The following NRP1 variants were observed in gnomAD, a reference collection of about 807,000 sequenced individuals.
NRP1 encodes the protein neuropilin 1, also known as neuropilin-1.
In NRP1, 35 loss-of-function variants were observed where a neutral mutation model predicts 106.7. The observed-to-expected ratio is 0.33, with a 90% CI of 0.25 to 0.43. The LOEUF is 0.43. NRP1 is among the 20% of genes least tolerant of loss of function. The pLI is 1.00. For synonymous variants in NRP1, 437 were observed against 417.9 expected (o/e 1.05, Z -0.56); for missense variants, 1,024 against 1,170.4 (o/e 0.87, Z 1.83).
intron 2 of NRP1, among the ~76,000 whole-genome samples, chr10:33,277,747 A>T (rs1444642456): frequency 1.3e-5 from 2 of 152,190 alleles, no homozygotes; most frequent in Non-Finnish European, 2.9e-5. Flanking sequence ...ATAATAAAGA[A>T]TATTGCTTTA....
chr10:33,264,430 T>C (rs978533221), intron 3 of NRP1, among the ~76,000 whole-genome samples: 23 of 152,012 alleles, frequency 1.5e-4, no homozygotes, highest in Non-Finnish European at 2.4e-4. Context: ...TCATTCTGAG[T>C]GGTGTTGACA....
intron 2 of NRP1, among the ~76,000 whole-genome samples, chr10:33,307,002 T>C (rs890372385): frequency 8.5e-5 from 13 of 152,234 alleles, no homozygotes; most frequent in Admixed American, 5.9e-4. Context: ...AGCCTAACTT[T>C]ATGGACTTTT....
At chr10:33,311,271 G>C (rs748699497) in intron 2 of NRP1, among the ~76,000 whole-genome samples, 5 of 152,166 alleles carry the variant, frequency 3.3e-5, no homozygotes, top group African/African-American at 1.2e-4. Context: ...CAGCAACCAG[G>C]AACAAACCTG....
chr10:33,214,223 G>C (rs1415398623), intron 8 of NRP1, among the ~76,000 whole-genome samples: 1 of 152,130 alleles, frequency 6.6e-6, no homozygotes, highest in African/African-American at 2.4e-5. Flanking sequence ...TTTGAATTGA[G>C]TGTGGGAGAA....
intron 9 of NRP1, among the ~76,000 whole-genome samples, chr10:33,208,402 C>A (rs1390518908): frequency 1.3e-5 from 2 of 152,178 alleles, no homozygotes; most frequent in Admixed American, 6.5e-5. Flanking sequence ...GTCCCTGTGA[C>A]AGTTTTCAGG....
At chr10:33,182,588 A>T in intron 16 of NRP1, 110 bp downstream of exon 16, 2 of 761,478 alleles carry the variant, frequency 2.6e-6, no homozygotes, top group Admixed American at 2.4e-5. Context: ...GATGTTTTTT[A>T]TTTGAACTTT....
In NRP1 at chr10:33,270,869, C is replaced by A; in HGVS notation, c.249-13G>T. ...CACGTAGTCATACCTAATACACAAACATGGAAGAAAACATTAGGTTGGTGA... is the reference window on the plus strand; with the variant it reads ...CACGTAGTCATACCTAATACACAAAAATGGAAGAAAACATTAGGTTGGTGA... On this transcript the variant is annotated splice_polypyrimidine_tract_variant and intron_variant, in intron 2 of 16. Transcript: ENST00000374867. 6.4e-7 allele frequency: 1 copy of A among 1,574,596 alleles called. No homozygotes were observed. Among genetic ancestry groups the A allele is most frequent in the Non-Finnish European group, 8.6e-7 (1 of 1,160,412 alleles).
chr10:33,249,095 T>TG (rs1186649402), intron 6 of NRP1, among the ~76,000 whole-genome samples: 1 of 147,284 alleles, frequency 6.8e-6, no homozygotes, highest in Non-Finnish European at 1.5e-5. Flanking sequence ...TTTTTTTTTT[T>TG]TTTTTTTTTT....
chr10:33,185,640 C>G lies in NRP1; in HGVS notation c.2419G>C (p.Glu807Gln). The change falls in exon 15 of 17, where the codon GAA (glutamate) becomes CAA (glutamine). Residue 807 changes from glutamate (E) to glutamine (Q), a missense_variant. Coordinates refer to ENST00000374867, the MANE Select transcript of NRP1 (RefSeq NM_003873.7). The part of the protein sequence containing the change: ...DISINNHISQ[E>Q]DCAKPADLDK... ...AGCTCATACTTACTTGCACAATCTT[C>G]TTGTGAAATGTGGTTATTAATACTA... is the stretch of plus-strand genomic sequence containing the variant. 6.2e-7 allele frequency: 1 copy of G among 1,613,298 alleles called. No individual in the cohort carries two copies. The highest frequency in any genetic ancestry group is 1.7e-4 in the Middle Eastern group (1 of 6,060).
chr10:33,316,674 C>A (rs1847061644), intron 2 of NRP1, among the ~76,000 whole-genome samples: 1 of 152,098 alleles, frequency 6.6e-6, no homozygotes. Flanking sequence ...GGGAGAAAAC[C>A]AAGATGGCAC....
At chr10:33,237,797 C>A (rs1840700185) in intron 6 of NRP1, among the ~76,000 whole-genome samples, 1 of 151,998 alleles carries the variant, frequency 6.6e-6, no homozygotes, top group Non-Finnish European at 1.5e-5. Flanking sequence ...CTCAAGTGAT[C>A]TGCCCACCTT....
chr10:33,301,751 AG>A (rs1845816948), intron 2 of NRP1, among the ~76,000 whole-genome samples: 1 of 152,148 alleles, frequency 6.6e-6, no homozygotes, highest in Non-Finnish European at 1.5e-5. Context: ...AAGAAAAAAA[AG>A]TTTTTGGAGA....
chr10:33,300,039 T>C (rs1310111960), intron 2 of NRP1, among the ~76,000 whole-genome samples: 1 of 152,220 alleles, frequency 6.6e-6, no homozygotes, highest in African/African-American at 2.4e-5. Context: ...CAAATCAAGA[T>C]GAACACTTTG....
intron 11 of NRP1, 139 bp downstream of exon 11, chr10:33,202,752 C>T (rs745859836): frequency 5.7e-6 from 9 of 1,567,080 alleles, no homozygotes; most frequent in Middle Eastern, 1.7e-4. Flanking sequence ...TGAAGATGCA[C>T]GTGTTCTGGC....
At chr10:33,288,474 C>A (rs1052072820) in intron 2 of NRP1, 1 of 152,130 alleles carries the variant, frequency 6.6e-6, no homozygotes, top group Non-Finnish European at 1.5e-5. Flanking sequence ...TCACCATTAT[C>A]GATGCTGAAC....
chr10:33,321,965 A>G (rs1209328495), intron 2 of NRP1, among the ~76,000 whole-genome samples: 1 of 152,206 alleles, frequency 6.6e-6, no homozygotes, highest in Non-Finnish European at 1.5e-5. Flanking sequence ...TTCTTCTCAG[A>G]AAACTCTTCC....
rs988566521 is a variant in NRP1 at position 33,323,778 on chromosome 10, C to T, written c.248+6930G>A. On this transcript the variant is annotated intron_variant, in intron 2 of 16. Transcript: ENST00000374867. ...TGAATACTACCACTGCAATTAGTTA[C>T]GTTTATTTTTTAGCTTCCTTTACAC... 3.9e-5 allele frequency among the ~76,000 whole-genome samples: 6 copies of T among 152,228 alleles called. No homozygotes were observed. In the East Asian group the frequency reaches 1.2e-3, roughly 29 times the overall value.
In NRP1 at chr10:33,182,414, C is replaced by G. The variant is rs79751225; in HGVS notation, c.2482+284G>C. On this transcript the variant is annotated intron_variant, in intron 16 of 16. Coordinates refer to ENST00000374867, the MANE Select transcript of NRP1 (RefSeq NM_003873.7). ...GCTGATTATCCTTTATGTTCCACCT[C>G]TAGACTGGGCAGGGAAGGGCCAGGG... is the stretch of plus-strand genomic sequence containing the variant. Among the ~76,000 whole-genome samples the G allele has an allele frequency of 1.4e-4, 21 of 152,200 alleles. No homozygotes were observed. The East Asian group carries it at 3.9e-3, about 28-fold the overall frequency.
rs74513387 is a variant in NRP1 at position 33,331,502 on chromosome 10, C to T, written c.74-620G>A. 2.5e-3 allele frequency among the ~76,000 whole-genome samples: 377 copies of T among 152,340 alleles called. 2 individuals are homozygous for T. The highest frequency in any genetic ancestry group is 8.7e-3 in the African/African-American group (362 of 41,582). On this transcript the variant is annotated intron_variant, in intron 1 of 16. Coordinates refer to ENST00000374867, the MANE Select transcript of NRP1 (RefSeq NM_003873.7). The stretch of plus-strand genomic sequence containing the variant: ...AAGCAGAAATAATTCTGCTTTACTT[C>T]TCCAAGTAAAGTTGTTCAAGCTTGG...
Sources: allele counts gnomAD v4.1 joint callset (sites outside exome capture counted in the v4.1 genomes callset), GRCh38; gene constraint gnomAD v4.1.1; transcripts MANE v1.5; gene names NCBI Gene and HGNC (gene_info 2026-07-23, HGNC 2026-07-21).